WDFY2: variants seen among roughly 807,000 people sequenced by gnomAD.
WDFY2 encodes the protein WD repeat and FYVE domain containing 2, also known as WD repeat and FYVE domain-containing protein 2.
In WDFY2, 36 loss-of-function variants were observed where a neutral mutation model predicts 56.4. The observed-to-expected ratio is 0.64, with a 90% CI of 0.49 to 0.84. The LOEUF is 0.84. Among genes scored for constraint, WDFY2 ranks in the 40% least tolerant of loss-of-function variants. The probability of loss-of-function intolerance (pLI) is 0.00; values close to 1 mark genes in which losing one functional copy is unlikely to be tolerated. For synonymous variants in WDFY2, 176 were observed against 183.7 expected, an observed-to-expected ratio of 0.96 and a Z score of 0.34; for missense variants, 444 against 512.2, an observed-to-expected ratio of 0.87 and a Z score of 1.29.
At chr13:51,622,967 C>T (rs760176716) in intron 1 of WDFY2, among the ~76,000 whole-genome samples, 3 of 151,116 alleles carry the variant, frequency 2.0e-5, no homozygotes, top group Non-Finnish European at 4.4e-5. Context: ...AAGCAATTCT[C>T]CTGCCTCAGC....
At chr13:51,658,104 A>G (rs1955543444) in intron 1 of WDFY2, among the ~76,000 whole-genome samples, 1 of 152,164 alleles carries the variant, frequency 6.6e-6, no homozygotes, top group South Asian at 2.1e-4. Flanking sequence ...TGGAAGTCAT[A>G]TAATTCTCCC....
At chr13:51,612,045 A>C (rs1346978776) in intron 1 of WDFY2, among the ~76,000 whole-genome samples, 1 of 152,150 alleles carries the variant, frequency 6.6e-6, no homozygotes, top group Non-Finnish European at 1.5e-5. Context: ...TCTTCTTACC[A>C]GACAATACAT....
chr13:51,700,565 T>C (rs1292184902), intron 3 of WDFY2, among the ~76,000 whole-genome samples: 1 of 152,230 alleles, frequency 6.6e-6, no homozygotes, highest in Non-Finnish European at 1.5e-5. Context: ...TCTCGGACTT[T>C]TATTTTATAG....
In WDFY2 at chr13:51,584,573, T is replaced by G. The variant is rs940388906; in HGVS notation, c.-115T>G. 5.8e-6 allele frequency: 8 copies of G among 1,380,234 alleles called. No homozygotes were observed. The highest frequency in any genetic ancestry group is 4.4e-5 in the African/African-American group (3 of 68,278). The allele number at this position is 1,380,234 out of a possible 1,614,324, so 85.5% of individuals were successfully genotyped here. On this transcript the variant is annotated 5_prime_UTR_variant, in exon 1 of 12. Coordinates refer to ENST00000298125, the MANE Select transcript of WDFY2 (RefSeq NM_052950.4). ...GGCTATGCTCGCCGGTTTCCGGCGTTCCGCTCCGGCCAGCCAGAGTCTCTG... is the reference window on the plus strand; with the variant it reads ...GGCTATGCTCGCCGGTTTCCGGCGTGCCGCTCCGGCCAGCCAGAGTCTCTG...
intron 1 of WDFY2, among the ~76,000 whole-genome samples, chr13:51,593,092 G>A (rs79114422): frequency 0.05 from 7,673 of 152,210 alleles, 241 homozygotes; most frequent in Middle Eastern, 0.085. Flanking sequence ...AAATATGATT[G>A]TAATCATACA....
chr13:51,681,807 G>T (rs920624155), intron 3 of WDFY2, among the ~76,000 whole-genome samples: 1 of 152,108 alleles, frequency 6.6e-6, no homozygotes, highest in African/African-American at 2.4e-5. Context: ...ATCATTTGCT[G>T]AAGGTTCTTT....
At chr13:51,677,030 G>C (rs1173116881) in intron 3 of WDFY2, among the ~76,000 whole-genome samples, 1 of 152,326 alleles carries the variant, frequency 6.6e-6, no homozygotes, top group Non-Finnish European at 1.5e-5. Context: ...AATGGATACT[G>C]ATAAATTTGG....
intron 7 of WDFY2, among the ~76,000 whole-genome samples, chr13:51,741,105 C>T (rs1289061342): frequency 6.6e-6 from 1 of 152,206 alleles, no homozygotes; most frequent in Non-Finnish European, 1.5e-5. Context: ...AAAACTTTAA[C>T]AAATAGCTCT....
At chr13:51,668,927 A>G (rs1292187545) in intron 2 of WDFY2, among the ~76,000 whole-genome samples, 1 of 152,244 alleles carries the variant, frequency 6.6e-6, no homozygotes, top group Non-Finnish European at 1.5e-5. Flanking sequence ...AAATGAAAGA[A>G]TTATTGGTGT....
Position 51,758,256 on chromosome 13 carries a change from A to T in WDFY2, c.1129A>T (p.Thr377Ser), listed in dbSNP as rs1261146670. 6.2e-7 allele frequency: 1 copy of T among 1,602,512 alleles called. No homozygotes were observed. Residue 377 changes from threonine to serine, a missense_variant, in exon 11 of 12, where the codon ACC becomes TCC. By Grantham distance (58) the Thr-to-Ser change is moderately conservative. Transcript: ENST00000298125. ...CATTGTGCATGTGCATTTCGATGCA[A>T]CCAGAGGATGGTTACTGACTTCTGG... ...HNIVHVHFDA[T>S]RGWLLTSGTD...
intron 4 of WDFY2, among the ~76,000 whole-genome samples, chr13:51,711,290 A>G (rs1952209937): frequency 6.6e-6 from 1 of 152,258 alleles, no homozygotes; most frequent in African/African-American, 2.4e-5. Flanking sequence ...AAATTAATTC[A>G]ACATGGATTA....
chr13:51,635,246 G>T (rs1439995172), intron 1 of WDFY2, among the ~76,000 whole-genome samples: 1 of 152,114 alleles, frequency 6.6e-6, no homozygotes, highest in East Asian at 1.9e-4. Context: ...CCCCCGGCAG[G>T]AAGTCCTAAA....
chr13:51,701,607 A>T (rs1266476868), intron 3 of WDFY2, among the ~76,000 whole-genome samples: 1 of 152,146 alleles, frequency 6.6e-6, no homozygotes, highest in Non-Finnish European at 1.5e-5. Context: ...CATAGGAAAA[A>T]TAAATGACCA....
intron 1 of WDFY2, among the ~76,000 whole-genome samples, chr13:51,616,562 A>G (rs1051911291): frequency 6.6e-6 from 1 of 152,198 alleles, no homozygotes; most frequent in African/African-American, 2.4e-5. Flanking sequence ...TCTGTGTGAT[A>G]GGCTAACTGA....
intron 1 of WDFY2, chr13:51,598,696 T>C (rs1186266378): frequency 6.6e-6 from 1 of 152,198 alleles, no homozygotes; most frequent in African/African-American, 2.4e-5. Context: ...TATATATGGT[T>C]ATGCCGGAGA....
At chr13:51,754,130 T>C (rs937310736) in intron 8 of WDFY2, among the ~76,000 whole-genome samples, 1 of 151,602 alleles carries the variant, frequency 6.6e-6, no homozygotes, top group Non-Finnish European at 1.5e-5. Context: ...ATTGATGTAC[T>C]GTTAGTCTGG....
At chr13:51,617,826 TC>T (rs372725129) in intron 1 of WDFY2, among the ~76,000 whole-genome samples, 54 of 152,358 alleles carry the variant, frequency 3.5e-4, no homozygotes, top group African/African-American at 1.3e-3. Context: ...CCTTGAATTT[TC>T]CACACTTGTT....
intron 7 of WDFY2, among the ~76,000 whole-genome samples, chr13:51,743,528 A>G (rs956887299): frequency 2.0e-5 from 3 of 152,262 alleles, no homozygotes; most frequent in Non-Finnish European, 2.9e-5. Flanking sequence ...ACTCTTGTTA[A>G]TAAAAAATTC....
intron 1 of WDFY2, chr13:51,590,691 A>C (rs1954025661): frequency 6.6e-6 from 1 of 151,584 alleles, no homozygotes. Context: ...AAGAGATCAC[A>C]CTCCTTTATT....
Sources: gnomAD v4.1 joint callset for allele counts (sites outside exome capture counted in the v4.1 genomes callset) on GRCh38, gnomAD v4.1.1 for gene constraint, MANE v1.5 for transcripts, NCBI Gene and HGNC (gene_info 2026-07-23, HGNC 2026-07-21) for gene names.